SENP6: variants seen among roughly 807,000 people sequenced by gnomAD.
The protein encoded by SENP6 is sentrin-specific protease 6.
Under a neutral mutation model 134.5 loss-of-function variants are expected in SENP6, and 41 were observed. The observed-to-expected ratio is 0.30, with a 90% CI of 0.24 to 0.40. The LOEUF is 0.40. Ranked by LOEUF, SENP6 falls within the 10% of genes least tolerant of loss-of-function variation. The pLI, the probability that SENP6 is intolerant of heterozygous loss-of-function variation, is 1.00. For synonymous variants in SENP6, 395 were observed against 429.8 expected, an observed-to-expected ratio of 0.92 and a Z score of 1.00; for missense variants, 1,248 against 1,312.5, an observed-to-expected ratio of 0.95 and a Z score of 0.76.
chr6:75,634,185 A>G (rs1414140550), intron 4 of SENP6, among the ~76,000 whole-genome samples: 2 of 152,152 alleles, frequency 1.3e-5, no homozygotes, highest in Non-Finnish European at 2.9e-5. Flanking sequence ...AGTCACTTTT[A>G]TTTCTGCTGT....
intron 7 of SENP6, 43 bp downstream of exon 7, chr6:75,647,844 G>T: frequency 4.1e-6 from 6 of 1,455,754 alleles, no homozygotes; most frequent in Non-Finnish European, 5.8e-6. Context: ...ATTTCAAATT[G>T]CTGTATGAAA....
chr6:75,671,693 G>A (rs1279036400), intron 11 of SENP6, among the ~76,000 whole-genome samples: 1 of 152,182 alleles, frequency 6.6e-6, no homozygotes, highest in Non-Finnish European at 1.5e-5. Context: ...CTGCACTCCA[G>A]TCTGGATGAC....
intron 11 of SENP6, among the ~76,000 whole-genome samples, chr6:75,673,147 G>T (rs2647418): frequency 6.6e-6 from 1 of 151,700 alleles, no homozygotes; most frequent in Non-Finnish European, 1.5e-5. Context: ...ATTTAGAAGC[G>T]TCCATTTTAT....
intron 16 of SENP6, among the ~76,000 whole-genome samples, chr6:75,693,424 A>C (rs1774429892): frequency 6.6e-6 from 1 of 151,474 alleles, no homozygotes. Flanking sequence ...AAAAAAAAAA[A>C]AAAAACACCA....
At chr6:75,603,419 A>G (rs1052188635) in intron 1 of SENP6, among the ~76,000 whole-genome samples, 4 of 152,158 alleles carry the variant, frequency 2.6e-5, no homozygotes, top group Admixed American at 1.3e-4. Flanking sequence ...TAATTTGACT[A>G]TGGGTTCAGT....
chr6:75,636,577 A>G (rs1194379081), intron 5 of SENP6, among the ~76,000 whole-genome samples: 2 of 152,250 alleles, frequency 1.3e-5, no homozygotes, highest in Non-Finnish European at 2.9e-5. Flanking sequence ...CAGAAAGACA[A>G]GTAAACAAAT....
At chr6:75,671,837 A>G (rs182898943) in intron 11 of SENP6, among the ~76,000 whole-genome samples, 5 of 152,306 alleles carry the variant, frequency 3.3e-5, no homozygotes, top group African/African-American at 1.2e-4. Context: ...TGGTTCTAGG[A>G]TACAATATGA....
rs1482462740 is a variant in SENP6 at position 75,707,117 on chromosome 6, A to G, written c.2717-2410A>G. On this transcript the variant is annotated intron_variant, in intron 19 of 23. Coordinates refer to ENST00000447266, the MANE Select transcript of SENP6 (RefSeq NM_015571.4). ...TTAGGTTATTTTTCTCCTGTTTTTGAAAGGCATTTCTGGTTTAGTTTGTGT... is the reference window on the plus strand; with the variant it reads ...TTAGGTTATTTTTCTCCTGTTTTTGGAAGGCATTTCTGGTTTAGTTTGTGT... Among the ~76,000 whole-genome samples, 4 of 152,110 alleles carry G rather than the reference A, an allele frequency of 2.6e-5. No homozygotes were observed. In the East Asian group the frequency reaches 7.7e-4, roughly 29 times the overall value.
chr6:75,681,293 C>T (rs542058468), intron 16 of SENP6, among the ~76,000 whole-genome samples: 1 of 152,200 alleles, frequency 6.6e-6, no homozygotes, highest in Non-Finnish European at 1.5e-5. Context: ...TCCCCCTTTG[C>T]TCTCTGTTAC....
chr6:75,705,279 G>A (rs143512346), intron 19 of SENP6, among the ~76,000 whole-genome samples: 1,733 of 152,250 alleles, frequency 0.011, 32 homozygotes, highest in African/African-American at 0.039. Context: ...AGGTGTGGTG[G>A]CTCACGCCTG....
chr6:75,643,322 A>T lies in SENP6; in HGVS notation c.479+2618A>T, dbSNP rs548892611. ...CTATACTACATTGTTTACAAGCATC[A>T]TACTAAAATAACAATGTGAAAGTAA... On this transcript the variant is annotated intron_variant, in intron 6 of 23. Transcript: ENST00000447266. Among the ~76,000 whole-genome samples, 346 of 152,348 alleles carry T rather than the reference A, an allele frequency of 2.3e-3. 2 individuals are homozygous for T. Among genetic ancestry groups the T allele is most frequent in the Middle Eastern group, 3.4e-3 (1 of 294 alleles).
chr6:75,698,513 T>C (rs1053015184), intron 18 of SENP6, among the ~76,000 whole-genome samples: 4 of 152,140 alleles, frequency 2.6e-5, no homozygotes, highest in African/African-American at 4.8e-5. Flanking sequence ...TTTTTAACTT[T>C]TGTAGAGGTG....
intron 3 of SENP6, among the ~76,000 whole-genome samples, chr6:75,625,404 C>T (rs1405061234): frequency 6.6e-6 from 1 of 152,014 alleles, no homozygotes; most frequent in Non-Finnish European, 1.5e-5. Flanking sequence ...CGTGAGCCAC[C>T]GTGCCTGGCC....
At chr6:75,625,098 C>T (rs896433963) in intron 3 of SENP6, among the ~76,000 whole-genome samples, 5 of 143,554 alleles carry the variant, frequency 3.5e-5, no homozygotes, top group East Asian at 2.0e-4. Context: ...AATATATATA[C>T]GTGTGTGTGT....
At chr6:75,637,368 A>T (rs1769603615) in intron 5 of SENP6, among the ~76,000 whole-genome samples, 2 of 152,192 alleles carry the variant, frequency 1.3e-5, no homozygotes, top group African/African-American at 4.8e-5. Context: ...AGAATGGTGA[A>T]GTTTGTTAAA....
At chr6:75,602,664 C>A in intron 1 of SENP6, 88 bp downstream of exon 1, 1 of 1,362,308 alleles carries the variant, frequency 7.3e-7, no homozygotes, top group Non-Finnish European at 1.0e-6. Flanking sequence ...GTTATCTGCG[C>A]TGGGTGGGTT....
intron 2 of SENP6, among the ~76,000 whole-genome samples, chr6:75,622,280 G>A (rs1277921536): frequency 1.3e-5 from 2 of 152,034 alleles, no homozygotes; most frequent in East Asian, 1.9e-4. Flanking sequence ...TTTTTTGGCC[G>A]GGCACAGTGG....
intron 1 of SENP6, among the ~76,000 whole-genome samples, chr6:75,612,527 C>G (rs1767532473): frequency 6.6e-6 from 1 of 151,976 alleles, no homozygotes; most frequent in Non-Finnish European, 1.5e-5. Flanking sequence ...GACAGAGTGT[C>G]ACTATGCTGC....
rs531772227 is a variant in SENP6, at chr6:75,676,892, G to T, written c.1622-138G>T. On this transcript the variant is annotated intron_variant, in intron 13 of 23. Coordinates refer to ENST00000447266, the MANE Select transcript of SENP6 (RefSeq NM_015571.4). ...TTCCAGTGATTGTTGTGTATCCACTGTATGTCAGACATTGTTGTGGACCTT... is the reference window on the plus strand; with the variant it reads ...TTCCAGTGATTGTTGTGTATCCACTTTATGTCAGACATTGTTGTGGACCTT... 567 of 585,406 alleles carry T rather than the reference G, an allele frequency of 9.7e-4. 3 individuals are homozygous for T. Among genetic ancestry groups the T allele is most frequent in the Non-Finnish European group, 8.5e-4 (281 of 332,122 alleles). 36.3% of individuals were successfully genotyped at this position (585,406 alleles called of 1,614,324 possible). A position where few individuals can be genotyped will look rare whatever the true frequency, so the allele number is the denominator to read the frequency against.
Sources: gnomAD v4.1 joint callset for allele counts (sites outside exome capture counted in the v4.1 genomes callset) on GRCh38, gnomAD v4.1.1 for gene constraint, MANE v1.5 for transcripts, NCBI Gene and HGNC (gene_info 2026-07-23, HGNC 2026-07-21) for gene names.